Variants in LIPG observed in about 807,000 individuals in gnomAD.
LIPG encodes the protein endothelial lipase.
A neutral mutation model predicts 51.8 loss-of-function variants in LIPG; 34 were observed. That is an observed-to-expected ratio of 0.66 (90% CI 0.50 to 0.87). LIPG has a LOEUF of 0.87. LIPG is among the 40% of genes least tolerant of loss of function. The probability of loss-of-function intolerance (pLI) is 0.00; values close to 1 mark genes in which losing one functional copy is unlikely to be tolerated. For synonymous variants in LIPG, 246 were observed against 246.1 expected (o/e 1.00, Z 0.00); for missense variants, 580 against 652.7 (o/e 0.89, Z 1.21).
intron 5 of LIPG, among the ~76,000 whole-genome samples, chr18:49,580,850 C>T (rs961017372): frequency 6.6e-6 from 1 of 152,146 alleles, no homozygotes; most frequent in South Asian, 2.1e-4. Flanking sequence ...CTCTTTATTG[C>T]TTTGTGTGTA....
rs1194564576 is a variant in LIPG at position 49,579,764 on chromosome 18, C to CTTTCCTTTCTTTTCTTTTCT, written c.794-1647_794-1646insCTTTCTTTTCTTTTCTTTTC. 1.1e-3 allele frequency among the ~76,000 whole-genome samples: 127 copies of CTTTCCTTTCTTTTCTTTTCT among 112,208 alleles called. 1 individual carries two copies. Among genetic ancestry groups the CTTTCCTTTCTTTTCTTTTCT allele is most frequent in the East Asian group, 6.5e-3 (27 of 4,180 alleles). 73.6% of individuals were successfully genotyped at this position (112,208 alleles called of 152,430 possible). ...CCTTTCTTTCCTTTCCTTTCCTTTC[C>CTTTCCTTTCTTTTCTTTTCT]TTTCTTTTCTTTTCTTTTCTTTTCT... is the stretch of plus-strand genomic sequence containing the variant. On this transcript the variant is annotated intron_variant, in intron 5 of 9. Coordinates refer to ENST00000261292, the MANE Select transcript of LIPG (RefSeq NM_006033.4).
At chr18:49,582,576 C>A (rs185336830) in intron 7 of LIPG, 94 bp downstream of exon 7, 4 of 1,532,458 alleles carry the variant, frequency 2.6e-6, no homozygotes, top group Non-Finnish European at 1.8e-6. Flanking sequence ...GAGTACAGCA[C>A]GCAGGAGAGT....
chr18:49,581,248 G>A (rs1479136942), intron 5 of LIPG, among the ~76,000 whole-genome samples, 167 bp from the exon 6 acceptor site: 1 of 152,214 alleles, frequency 6.6e-6, no homozygotes, highest in Non-Finnish European at 1.5e-5. Flanking sequence ...ACCTGGGCAA[G>A]AGTGAGACCT....
intron 9 of LIPG, among the ~76,000 whole-genome samples, chr18:49,587,058 C>T (rs1430123054): frequency 6.9e-6 from 1 of 145,376 alleles, no homozygotes; most frequent in Non-Finnish European, 1.5e-5. Flanking sequence ...CACCTGAGGT[C>T]AGGAGTTTGA....
intron 4 of LIPG, among the ~76,000 whole-genome samples, chr18:49,573,367 G>A (rs2148849970): frequency 6.6e-6 from 1 of 152,256 alleles, no homozygotes; most frequent in Admixed American, 6.5e-5. Context: ...TCCTGGGCTA[G>A]GGATAAACTC....
intron 4 of LIPG, 149 bp from the exon 5 acceptor site, chr18:49,575,217 CTTA>C: frequency 1.6e-6 from 1 of 631,574 alleles, no homozygotes; most frequent in East Asian, 2.7e-5. Context: ...AAATGGGTTT[CTTA>C]TTTTCTTCCA....
intron 5 of LIPG, among the ~76,000 whole-genome samples, chr18:49,578,827 C>T (rs1309406550): frequency 0.018 from 2,730 of 151,010 alleles, 17 homozygotes; most frequent in Non-Finnish European, 0.028. Context: ...TGGAGACCGG[C>T]CCGGCCAACA....
At chr18:49,569,050 A>G (rs10083905) in intron 3 of LIPG, among the ~76,000 whole-genome samples, 125,709 of 152,138 alleles carry the variant, frequency 0.83, 52,858 homozygotes, top group African/African-American at 0.96. Flanking sequence ...GGCAGAGGGC[A>G]TTCTGCTGAG....
At chr18:49,582,601 C>T (rs1198327751) in intron 7 of LIPG, 119 bp downstream of exon 7, 4 of 1,327,556 alleles carry the variant, frequency 3.0e-6, no homozygotes, top group Non-Finnish European at 4.3e-6. Context: ...TCCGACTGCT[C>T]AGGGAGGAGC....
In LIPG at chr18:49,590,388, TA is replaced by T. The variant is rs371470931; in HGVS notation, c.1482-112del. On this transcript the variant is annotated intron_variant, in intron 9 of 9. Transcript: ENST00000261292. ...AAGGAATACATGTAAAATAGTCCCATAGGGGTGTCAGAAAGCTTGGCCTTAA... is the reference window on the plus strand; with the variant it reads ...AAGGAATACATGTAAAATAGTCCCATGGGGTGTCAGAAAGCTTGGCCTTAA... 1.0e-3 allele frequency: 1,110 copies of T among 1,082,946 alleles called. 4 individuals carry two copies. The highest frequency in any genetic ancestry group is 7.5e-3 in the African/African-American group (479 of 64,030). The allele number at this position is 1,082,946 out of a possible 1,614,324, so 67.1% of individuals were successfully genotyped here.
chr18:49,586,765 G>A lies in LIPG; in HGVS notation c.1396G>A (p.Asp466Asn). ...TCCTAGACTGACATTTTGTACAGAA[G>A]ACCCTGAGAACACCAGCATATCCCC... Reference protein sequence around the residue: ...TQRKLTFCTEDPENTSISPGR... With the variant: ...TQRKLTFCTENPENTSISPGR... Residue 466 changes from aspartate (D) to asparagine (N), a missense_variant, in exon 9 of 10, where the codon GAC becomes AAC. Physicochemically the swap from Asp to Asn is conservative, Grantham distance 23. Coordinates refer to ENST00000261292, the MANE Select transcript of LIPG (RefSeq NM_006033.4). The A allele has an allele frequency of 6.2e-7, 1 of 1,613,876 alleles. No homozygotes were observed. Among genetic ancestry groups the A allele is most frequent in the Non-Finnish European group, 8.5e-7 (1 of 1,179,804 alleles).
chr18:49,563,118 CAG>C (rs1268754695), intron 1 of LIPG, among the ~76,000 whole-genome samples: 1 of 152,154 alleles, frequency 6.6e-6, no homozygotes, highest in Non-Finnish European at 1.5e-5. Context: ...GAGTCAGAAT[CAG>C]AGTGAGAACT....
intron 9 of LIPG, chr18:49,589,738 C>T (rs2084920048): frequency 6.6e-6 from 1 of 152,652 alleles, no homozygotes; most frequent in African/African-American, 2.4e-5. Context: ...AGGCATGAGC[C>T]ACTGTGCCCA....
At chr18:49,590,448 G>A (rs757274551) in intron 9 of LIPG, 53 bp from the exon 10 acceptor site, 43 of 1,571,298 alleles carry the variant, frequency 2.7e-5, no homozygotes, top group Middle Eastern at 3.3e-4. Context: ...ACAGGTTTGC[G>A]CGTTTGCTGG....
chr18:49,568,987 A>G (rs2084635480), intron 3 of LIPG, among the ~76,000 whole-genome samples: 2 of 152,020 alleles, frequency 1.3e-5, no homozygotes, highest in Non-Finnish European at 2.9e-5. Context: ...TGGGCTTGTG[A>G]GGAGGAGGTT....
In LIPG at chr18:49,594,934, G is replaced by T. The variant is rs948896780; in HGVS notation, c.*4412G>T. ...GAAATTTCCCAAAGGAAGAGTCATA[G>T]CCTGGATGACTGCAAGTGCCTTCTT... is the stretch of plus-strand genomic sequence containing the variant. On this transcript the variant is annotated 3_prime_UTR_variant, in exon 10 of 10. Coordinates refer to ENST00000261292, the MANE Select transcript of LIPG (RefSeq NM_006033.4). 1 of 152,242 alleles carries T rather than the reference G, an allele frequency of 6.6e-6. No homozygotes were observed. The highest frequency in any genetic ancestry group is 1.5e-5 in the Non-Finnish European group (1 of 68,056). 9.4% of individuals were successfully genotyped at this position (152,242 alleles called of 1,614,324 possible).
At chr18:49,579,817 T>TCTTTTCTTTTCTTTTCTTTACTTTA (rs1555778434) in intron 5 of LIPG, among the ~76,000 whole-genome samples, 1 of 135,234 alleles carries the variant, frequency 7.4e-6, no homozygotes, top group African/African-American at 2.9e-5. Flanking sequence ...TCTTTTCTTT[T>TCTTTTCTTTTCTTTTCTTTACTTTA]CTTTACTTTA....
At chr18:49,587,796 T>TC (rs2084899512) in intron 9 of LIPG, among the ~76,000 whole-genome samples, 1 of 151,100 alleles carries the variant, frequency 6.6e-6, no homozygotes, top group African/African-American at 2.4e-5. Context: ...TATCTTTTTT[T>TC]TTTTCCTTTG....
At chr18:49,569,698 C>A in intron 4 of LIPG, 150 bp downstream of exon 4, 4 of 686,926 alleles carry the variant, frequency 5.8e-6, no homozygotes, top group Admixed American at 2.7e-5. Context: ...TTTTTAGTCA[C>A]AAGAAACTTT....
Sources: allele counts gnomAD v4.1 joint callset (sites outside exome capture counted in the v4.1 genomes callset), GRCh38; gene constraint gnomAD v4.1.1; transcripts MANE v1.5; gene names NCBI Gene and HGNC (gene_info 2026-07-23, HGNC 2026-07-21).